NAALADL2: variants seen among roughly 807,000 people sequenced by gnomAD.
NAALADL2 encodes the protein N-acetylated alpha-linked acidic dipeptidase like 2.
NAALADL2 carries 76 observed loss-of-function variants against 87.2 expected under a neutral mutation model. That is an observed-to-expected ratio of 0.87 (90% CI 0.72 to 1.05). The LOEUF is 1.05. Ranked by LOEUF, NAALADL2 falls within the 50% of genes least tolerant of loss-of-function variation. The pLI, the probability that NAALADL2 is intolerant of heterozygous loss-of-function variation, is 0.00. For synonymous variants in NAALADL2, 354 were observed against 331.0 expected, an observed-to-expected ratio of 1.07 and a Z score of -0.75; for missense variants, 1,089 against 945.8, an observed-to-expected ratio of 1.15 and a Z score of -1.99.
intron 2 of NAALADL2, among the ~76,000 whole-genome samples, chr3:174,662,102 T>G (rs1230097015): frequency 6.6e-6 from 1 of 152,134 alleles, no homozygotes; most frequent in Non-Finnish European, 1.5e-5. Flanking sequence ...TAAAATAACA[T>G]TACAAAGTTA....
intron 13 of NAALADL2, among the ~76,000 whole-genome samples, chr3:175,757,377 G>A (rs1357098141): frequency 6.6e-6 from 1 of 152,104 alleles, no homozygotes; most frequent in Non-Finnish European, 1.5e-5. Flanking sequence ...TGGACCACGT[G>A]AGGTTTAAGG....
intron 1 of NAALADL2, among the ~76,000 whole-genome samples, chr3:174,900,350 CAAAT>C (rs1334371268): frequency 1.6e-4 from 24 of 151,852 alleles, no homozygotes; most frequent in African/African-American, 4.6e-4. Flanking sequence ...TAATCAATAA[CAAAT>C]AAAATCTTAA....
chr3:175,445,209 A>C (rs1164314724), intron 5 of NAALADL2, among the ~76,000 whole-genome samples: 5 of 152,092 alleles, frequency 3.3e-5, no homozygotes, highest in Non-Finnish European at 5.9e-5. Flanking sequence ...TATTTCCTTA[A>C]GCATAGTTTG....
chr3:175,584,768 G>A (rs1720297034), intron 10 of NAALADL2, among the ~76,000 whole-genome samples: 1 of 152,196 alleles, frequency 6.6e-6, no homozygotes, highest in South Asian at 2.1e-4. Context: ...AAAAAGTGCA[G>A]TAAAGTACAA....
chr3:174,532,750 G>A (rs1721357020), intron 1 of NAALADL2, among the ~76,000 whole-genome samples: 1 of 151,966 alleles, frequency 6.6e-6, no homozygotes, highest in African/African-American at 2.4e-5. Context: ...CTTAGCTTCA[G>A]CCTTTCTACT....
At chr3:174,666,216 C>A (rs980237850) in intron 2 of NAALADL2, among the ~76,000 whole-genome samples, 1 of 152,154 alleles carries the variant, frequency 6.6e-6, no homozygotes, top group Admixed American at 6.5e-5. Context: ...TCTATTAAGT[C>A]AAAAATAGAT....
chr3:175,129,963 C>A (rs1464372039), intron 2 of NAALADL2, among the ~76,000 whole-genome samples: 1 of 152,110 alleles, frequency 6.6e-6, no homozygotes, highest in East Asian at 1.9e-4. Flanking sequence ...CACATCCTTG[C>A]CAACACTTGT....
intron 1 of NAALADL2, among the ~76,000 whole-genome samples, chr3:174,963,002 G>A (rs532312362): frequency 2.6e-5 from 4 of 152,152 alleles, no homozygotes; most frequent in African/African-American, 7.2e-5. Flanking sequence ...CACTATGTTT[G>A]ATTTGTATTA....
intron 11 of NAALADL2, among the ~76,000 whole-genome samples, chr3:175,721,703 A>G (rs1244176084): frequency 6.6e-6 from 1 of 152,108 alleles, no homozygotes; most frequent in Non-Finnish European, 1.5e-5. Context: ...ATGTAAAATC[A>G]TTAATACATT....
chr3:175,226,256 TTTC>T (rs994809573), intron 2 of NAALADL2, among the ~76,000 whole-genome samples: 1 of 152,152 alleles, frequency 6.6e-6, no homozygotes, highest in Non-Finnish European at 1.5e-5. Flanking sequence ...AAGAATCTGT[TTTC>T]TTCTTCTTTG....
In NAALADL2 at chr3:174,756,970, A is replaced by G. The variant is rs187292170; in HGVS notation, c.-9+19224A>G. 3.9e-5 allele frequency among the ~76,000 whole-genome samples: 6 copies of G among 152,234 alleles called. No homozygotes were observed. The East Asian group carries it at 9.6e-4, about 24-fold the overall frequency. ...TAGACAAAAAAAACAAAACAAAACA[A>G]AACAAAACCTCACATTTTGGTGTCT... is the stretch of plus-strand genomic sequence containing the variant. On this transcript the variant is annotated intron_variant, in intron 3 of 3. Transcript: ENST00000434257.
At chr3:175,167,224 T>C (rs1734131158) in intron 2 of NAALADL2, among the ~76,000 whole-genome samples, 1 of 152,034 alleles carries the variant, frequency 6.6e-6, no homozygotes, top group Admixed American at 6.6e-5. Flanking sequence ...AGACAATACA[T>C]AAAATAATAA....
chr3:174,776,593 G>GA (rs1452911368), intron 3 of NAALADL2, among the ~76,000 whole-genome samples: 2 of 152,072 alleles, frequency 1.3e-5, no homozygotes, highest in African/African-American at 2.4e-5. Flanking sequence ...TTGCCACTTA[G>GA]AAAACTACAT....
intron 2 of NAALADL2, among the ~76,000 whole-genome samples, chr3:175,104,953 A>G (rs923381581): frequency 6.7e-6 from 1 of 149,800 alleles, no homozygotes; most frequent in East Asian, 2.0e-4. Context: ...TAATTGTATT[A>G]ACTGGATTCA....
intron 6 of NAALADL2, among the ~76,000 whole-genome samples, chr3:175,462,899 T>G (rs1396231069): frequency 6.6e-6 from 1 of 152,204 alleles, no homozygotes; most frequent in Non-Finnish European, 1.5e-5. Flanking sequence ...TTAAGAATAT[T>G]TATCCTTTTA....
chr3:175,371,714 C>T (rs1766527880), intron 5 of NAALADL2, among the ~76,000 whole-genome samples: 1 of 151,630 alleles, frequency 6.6e-6, no homozygotes, highest in Non-Finnish European at 1.5e-5. Flanking sequence ...ATCCCAGCTA[C>T]TCAGGAGGCT....
chr3:174,784,221 G>A (rs1344371408), intron 3 of NAALADL2, among the ~76,000 whole-genome samples: 2 of 152,138 alleles, frequency 1.3e-5, no homozygotes, highest in African/African-American at 2.4e-5. Flanking sequence ...ATAATAAAGA[G>A]TTATCTGCCT....
intron 1 of NAALADL2, among the ~76,000 whole-genome samples, 192 bp downstream of exon 1, chr3:174,859,642 A>G (rs1325643497): frequency 1.3e-5 from 2 of 152,112 alleles, no homozygotes; most frequent in Non-Finnish European, 2.9e-5. Flanking sequence ...CAGAGGAAGC[A>G]TGTTTTCTCA....
At chr3:174,979,385 A>G (rs1188837261) in intron 1 of NAALADL2, among the ~76,000 whole-genome samples, 1 of 140,506 alleles carries the variant, frequency 7.1e-6, no homozygotes, top group East Asian at 2.1e-4. Flanking sequence ...GGCTCACTGC[A>G]AGCTCCGCCT....
Sources: allele counts gnomAD v4.1 joint callset (sites outside exome capture counted in the v4.1 genomes callset), GRCh38; gene constraint gnomAD v4.1.1; transcripts MANE v1.5; gene names NCBI Gene and HGNC (gene_info 2026-07-23, HGNC 2026-07-21).